The following COL25A1 variants were observed in gnomAD, a reference collection of about 807,000 sequenced individuals.
COL25A1 encodes the protein collagen type XXV alpha 1 chain.
Under a neutral mutation model 128.4 loss-of-function variants are expected in COL25A1, and 103 were observed. The ratio of observed to expected loss-of-function variants is 0.80; its 90% CI spans 0.68 to 0.94. The LOEUF (loss-of-function observed/expected upper bound fraction) is 0.94. Among genes scored for constraint, COL25A1 ranks in the 40% least tolerant of loss-of-function variants. COL25A1 has a pLI of 0.00. For missense variants in COL25A1, 745 were observed against 840.0 expected, an observed-to-expected ratio of 0.89 and a Z score of 1.40; for synonymous variants, 279 against 277.2, an observed-to-expected ratio of 1.01 and a Z score of -0.06.
chr4:108,920,488 C>T (rs956185880), intron 12 of COL25A1, 90 bp downstream of exon 12: 1 of 929,934 alleles, frequency 1.1e-6, no homozygotes, highest in East Asian at 2.6e-5. Context: ...TTCAGCATGG[C>T]TTACAGTAGC....
intron 3 of COL25A1, among the ~76,000 whole-genome samples, chr4:109,168,270 C>G (rs1195153845): frequency 6.6e-6 from 1 of 152,126 alleles, no homozygotes; most frequent in Non-Finnish European, 1.5e-5. Context: ...CTTTAAAATC[C>G]TGATAAGTTT....
At chr4:109,161,999 C>T (rs1263975500) in intron 3 of COL25A1, among the ~76,000 whole-genome samples, 2 of 152,174 alleles carry the variant, frequency 1.3e-5, no homozygotes, top group Admixed American at 6.5e-5. Flanking sequence ...GCCATTCCAA[C>T]ATCATGTCCA....
chr4:109,218,351 TTTGGGG>T (rs1349852432), intron 3 of COL25A1, among the ~76,000 whole-genome samples: 3 of 137,108 alleles, frequency 2.2e-5, no homozygotes, highest in African/African-American at 9.5e-5. Context: ...TTGCTGGTTT[TTTGGGG>T]TTTTTTTTTT....
chr4:109,127,372 T>C (rs1433468951), intron 3 of COL25A1, among the ~76,000 whole-genome samples: 11 of 149,762 alleles, frequency 7.3e-5, no homozygotes, highest in Non-Finnish European at 9.1e-5. Flanking sequence ...TGCAACAGTA[T>C]GCAACAGTAT....
At chr4:109,034,827 C>A (rs1420491421) in intron 5 of COL25A1, among the ~76,000 whole-genome samples, 1 of 152,090 alleles carries the variant, frequency 6.6e-6, no homozygotes, top group African/African-American at 2.4e-5. Flanking sequence ...AAATTAAAAT[C>A]TTATAAATGC....
At position 109,158,313 on chromosome 4, in the gene COL25A1, A is replaced by AT. The variant is rs775024357; in HGVS notation, c.368-108135dup. Among the ~76,000 whole-genome samples, 149 of 151,778 alleles carry AT rather than the reference A, an allele frequency of 9.8e-4. 1 individual carries two copies. The highest frequency in any genetic ancestry group is 4.1e-4 in the Non-Finnish European group (28 of 67,958). Reference sequence around the variant, plus strand: ...TCCTGTGAATGCCAATGTTTTAAAGATAAAAAAAAAAAAGACTAAACATTT... The same window carrying AT: ...TCCTGTGAATGCCAATGTTTTAAAGATTAAAAAAAAAAAAGACTAAACATTT... On this transcript the variant is annotated intron_variant, in intron 3 of 37. Coordinates refer to ENST00000399132, the MANE Select transcript of COL25A1 (RefSeq NM_198721.4).
chr4:109,139,653 TC>T (rs1343458675), intron 3 of COL25A1, among the ~76,000 whole-genome samples: 3 of 151,940 alleles, frequency 2.0e-5, no homozygotes, highest in Non-Finnish European at 4.4e-5. Flanking sequence ...GTTATTTCCT[TC>T]CCCCACCTTT....
intron 3 of COL25A1, among the ~76,000 whole-genome samples, chr4:109,247,115 G>A (rs1780317843): frequency 6.6e-6 from 1 of 152,214 alleles, no homozygotes; most frequent in Non-Finnish European, 1.5e-5. Flanking sequence ...TGTAATCCCA[G>A]CACTTTGGGA....
chr4:109,033,367 C>A (rs1759048032), intron 5 of COL25A1, among the ~76,000 whole-genome samples: 1 of 152,168 alleles, frequency 6.6e-6, no homozygotes, highest in African/African-American at 2.4e-5. Context: ...GTTCCGGGCT[C>A]CTTTAGCTTC....
At chr4:108,969,700 T>G (rs1486687004) in intron 8 of COL25A1, among the ~76,000 whole-genome samples, 1 of 152,132 alleles carries the variant, frequency 6.6e-6, no homozygotes. Flanking sequence ...TGTCCTTGCC[T>G]CCAATGATAC....
intron 3 of COL25A1, among the ~76,000 whole-genome samples, chr4:109,246,532 T>C (rs36050742): frequency 0.062 from 9,511 of 152,192 alleles, 629 homozygotes; most frequent in African/African-American, 0.17. Context: ...AACTTTCCTA[T>C]CAAGTTTATG....
chr4:109,012,007 T>C (rs753866680), intron 5 of COL25A1, among the ~76,000 whole-genome samples: 14 of 150,374 alleles, frequency 9.3e-5, no homozygotes, highest in Non-Finnish European at 1.6e-4. Flanking sequence ...GGAGACACTA[T>C]GAAGGTTTTT....
intron 3 of COL25A1, among the ~76,000 whole-genome samples, chr4:109,200,510 T>C (rs1453693272): frequency 6.6e-6 from 1 of 152,174 alleles, no homozygotes; most frequent in Non-Finnish European, 1.5e-5. Flanking sequence ...CAGGCTGGAA[T>C]GCAATGGCAC....
intron 3 of COL25A1, among the ~76,000 whole-genome samples, chr4:109,191,921 A>G (rs904183791): frequency 1.3e-5 from 2 of 152,240 alleles, no homozygotes; most frequent in Admixed American, 1.3e-4. Flanking sequence ...TAATCAAAGT[A>G]AAATGTGGCA....
intron 24 of COL25A1, among the ~76,000 whole-genome samples, chr4:108,854,862 G>A (rs1399411734): frequency 6.6e-6 from 1 of 152,128 alleles, no homozygotes; most frequent in Non-Finnish European, 1.5e-5. Flanking sequence ...CTATTACTGG[G>A]TATATACTGA....
intron 27 of COL25A1, among the ~76,000 whole-genome samples, chr4:108,847,724 G>A (rs532961969): frequency 6.6e-6 from 1 of 152,236 alleles, no homozygotes; most frequent in Admixed American, 6.5e-5. Flanking sequence ...AGTGATCTAT[G>A]ATATAGCAAA....
chr4:109,093,457 G>GAAAAAACAAA (rs1553930981), intron 3 of COL25A1, among the ~76,000 whole-genome samples: 2 of 69,462 alleles, frequency 2.9e-5, no homozygotes, highest in African/African-American at 1.3e-4. Context: ...CCATCTCTAT[G>GAAAAAACAAA]AAAAAAAAAA....
At chr4:109,121,680 C>A (rs1210222388) in intron 3 of COL25A1, among the ~76,000 whole-genome samples, 2 of 152,022 alleles carry the variant, frequency 1.3e-5, no homozygotes, top group Admixed American at 6.6e-5. Context: ...TGTGGGAATG[C>A]CAAATGATAC....
At chr4:108,814,072 T>G (rs1731027138) in intron 37 of COL25A1, 143 bp from the exon 38 acceptor site, 1 of 635,834 alleles carries the variant, frequency 1.6e-6, no homozygotes, top group Non-Finnish European at 2.8e-6. Context: ...ATGAGCCAAT[T>G]GATTATCTGA....
Sources: allele counts gnomAD v4.1 joint callset (sites outside exome capture counted in the v4.1 genomes callset), GRCh38; gene constraint gnomAD v4.1.1; transcripts MANE v1.5; gene names NCBI Gene and HGNC (gene_info 2026-07-23, HGNC 2026-07-21).